The following STK32B variants were observed in gnomAD, a reference collection of about 807,000 sequenced individuals.
STK32B encodes the protein serine/threonine-protein kinase 32B.
Under a neutral mutation model 52.6 loss-of-function variants are expected in STK32B, and 43 were observed. The observed-to-expected ratio is 0.82, with a 90% confidence interval of 0.64 to 1.05. STK32B has a LOEUF of 1.05. Among genes scored for constraint, STK32B ranks in the 50% least tolerant of loss-of-function variants. The probability of loss-of-function intolerance (pLI) is 0.00; values close to 1 mark genes in which losing one functional copy is unlikely to be tolerated. For synonymous variants in STK32B, 238 were observed against 204.3 expected, an observed-to-expected ratio of 1.17 and a Z score of -1.41; for missense variants, 621 against 534.6, an observed-to-expected ratio of 1.16 and a Z score of -1.59.
intron 1 of STK32B, among the ~76,000 whole-genome samples, chr4:5,134,152 A>G (rs1282099395): frequency 6.6e-6 from 1 of 152,228 alleles, no homozygotes; most frequent in Non-Finnish European, 1.5e-5. Context: ...ATCAGAGAAT[A>G]TTGTGGAAGG....
At chr4:5,020,980 G>A in the STK32B span, among the ~76,000 whole-genome samples, 2 of 152,272 alleles carry the variant, frequency 1.3e-5, no homozygotes, top group East Asian at 3.9e-4. Flanking sequence ...GGAGGAAAGG[G>A]GAGCATCCTG....
At chr4:5,434,096 C>A (rs1713823043) in intron 6 of STK32B, among the ~76,000 whole-genome samples, 1 of 152,130 alleles carries the variant, frequency 6.6e-6, no homozygotes, top group Non-Finnish European at 1.5e-5. Flanking sequence ...CATTGCAGGG[C>A]AGCCAGAGTT....
At chr4:5,024,272 C>T in the STK32B span, among the ~76,000 whole-genome samples, 4 of 152,126 alleles carry the variant, frequency 2.6e-5, no homozygotes, top group Non-Finnish European at 5.9e-5. Context: ...TCTGGGTAGG[C>T]CTGATTTACT....
At chr4:5,200,148 C>G (rs1489046001) in intron 3 of STK32B, among the ~76,000 whole-genome samples, 1 of 152,094 alleles carries the variant, frequency 6.6e-6, no homozygotes, top group South Asian at 2.1e-4. Context: ...TTCTTACACT[C>G]AAAATGTGTG....
At chr4:5,307,329 AT>A (rs561491341) in intron 3 of STK32B, among the ~76,000 whole-genome samples, 225 of 152,118 alleles carry the variant, frequency 1.5e-3, no homozygotes, top group African/African-American at 5.1e-3. Flanking sequence ...GGCTTTGTTC[AT>A]TTTTTTATCT....
chr4:5,328,531 G>T (rs1456194362), intron 3 of STK32B, among the ~76,000 whole-genome samples: 2 of 152,200 alleles, frequency 1.3e-5, no homozygotes, highest in Non-Finnish European at 2.9e-5. Context: ...GGTCAGTGGA[G>T]CATGAGAACA....
chr4:5,243,759 A>G (rs1725224472), intron 3 of STK32B, among the ~76,000 whole-genome samples: 1 of 152,070 alleles, frequency 6.6e-6, no homozygotes, highest in African/African-American at 2.4e-5. Context: ...TCCCATCAAT[A>G]CCTAATTTAT....
At chr4:5,361,962 A>G (rs1270755627) in intron 4 of STK32B, among the ~76,000 whole-genome samples, 1 of 152,236 alleles carries the variant, frequency 6.6e-6, no homozygotes, top group South Asian at 2.1e-4. Flanking sequence ...TTAACCTTTC[A>G]TATTCATACT....
chr4:5,379,307 A>G (rs1438441096), intron 4 of STK32B, among the ~76,000 whole-genome samples: 1 of 152,000 alleles, frequency 6.6e-6, no homozygotes, highest in East Asian at 1.9e-4. Flanking sequence ...TATCCAGCAC[A>G]TGGCCCACAC....
intron 2 of STK32B, among the ~76,000 whole-genome samples, chr4:5,159,321 T>A (rs1254048600): frequency 1.3e-5 from 2 of 151,706 alleles, no homozygotes; most frequent in Admixed American, 1.3e-4. Flanking sequence ...CAAATGCCAG[T>A]ATGGTGGCTA....
chr4:5,051,768 G>A lies in STK32B; in HGVS notation c.-96G>A, dbSNP rs1741791757. 3 of 1,521,228 alleles carry A rather than the reference G, an allele frequency of 2.0e-6. No individual in the cohort carries two copies. The highest frequency in any genetic ancestry group is 2.5e-5 in the East Asian group (1 of 39,992). The allele number at this position is 1,521,228 out of a possible 1,614,324, so 94.2% of individuals were successfully genotyped here. A position where few individuals can be genotyped will look rare whatever the true frequency, so the allele number is the denominator to read the frequency against. ...CGCGCGCGGCTACAACCCGGACTGG[G>A]CGCGCCCCCGGCATCCCGCATCTCT... On this transcript the variant is annotated 5_prime_UTR_variant, in exon 1 of 12. Transcript: ENST00000282908.
chr4:5,433,759 A>G (rs766411954), intron 6 of STK32B, among the ~76,000 whole-genome samples: 1 of 152,180 alleles, frequency 6.6e-6, no homozygotes, highest in African/African-American at 2.4e-5. Context: ...ACCTTCAGCA[A>G]TATTCACAGA....
chr4:5,464,869 T>C (rs1295171849), intron 9 of STK32B, among the ~76,000 whole-genome samples: 4 of 152,248 alleles, frequency 2.6e-5, no homozygotes, highest in Middle Eastern at 3.4e-3. Flanking sequence ...TATGAACGAA[T>C]GAATGAATGA....
intron 3 of STK32B, among the ~76,000 whole-genome samples, chr4:5,174,511 T>C (rs1056156631): frequency 6.6e-6 from 1 of 152,244 alleles, no homozygotes; most frequent in Non-Finnish European, 1.5e-5. Flanking sequence ...TGACAAAATC[T>C]CTCAGCATTT....
At chr4:5,145,346 G>A (rs1182749566) in intron 2 of STK32B, among the ~76,000 whole-genome samples, 1 of 152,302 alleles carries the variant, frequency 6.6e-6, no homozygotes, top group South Asian at 2.1e-4. Context: ...AGATTTGCCT[G>A]TAGTTTTTCT....
At chr4:5,299,238 A>C (rs1006757415) in intron 3 of STK32B, among the ~76,000 whole-genome samples, 1 of 151,894 alleles carries the variant, frequency 6.6e-6, no homozygotes, top group African/African-American at 2.4e-5. Context: ...AGCTGTTCCT[A>C]TTCAGCCATC....
intron 1 of STK32B, among the ~76,000 whole-genome samples, chr4:5,127,962 C>A (rs1198236076): frequency 6.6e-6 from 1 of 152,212 alleles, no homozygotes; most frequent in Non-Finnish European, 1.5e-5. Flanking sequence ...TAAGATGTGA[C>A]TTTGCTCCTC....
rs754708470 is a variant in STK32B at position 5,331,278 on chromosome 4, G to A, written c.319G>A (p.Asp107Asn). The A allele has an allele frequency of 6.8e-6, 11 of 1,613,934 alleles. No homozygotes were observed. The highest frequency in any genetic ancestry group is 1.7e-5 in the Admixed American group (1 of 60,006). ...FMVVDLLLGG[D>N]LRYHLQQNVH... ...GGTGGTGGACCTGCTCCTGGGAGGC[G>A]ACCTGCGCTACCATCTGCAGCAGAA... The change falls in exon 4 of 12, where the codon GAC becomes AAC. Residue 107 changes from aspartate (D) to asparagine (N), a missense_variant. Physicochemically the swap from Asp to Asn is conservative, Grantham distance 23. Transcript: ENST00000282908.
chr4:5,116,326 C>G (rs1487058419), intron 1 of STK32B, among the ~76,000 whole-genome samples: 1 of 152,114 alleles, frequency 6.6e-6, no homozygotes, highest in African/African-American at 2.4e-5. Flanking sequence ...CTGTCATCAC[C>G]ATCTTACACT....
Sources: gnomAD v4.1 joint callset for allele counts (sites outside exome capture counted in the v4.1 genomes callset) on GRCh38, gnomAD v4.1.1 for gene constraint, MANE v1.5 for transcripts, NCBI Gene and HGNC (gene_info 2026-07-23, HGNC 2026-07-21) for gene names.